CNOT2: variants seen among roughly 807,000 people sequenced by gnomAD.
The protein encoded by CNOT2 is CC chemokine receptor 4-negative regulator of transcription 2.
CNOT2 carries 7 observed loss-of-function variants against 72.1 expected under a neutral mutation model. The ratio of observed to expected loss-of-function variants is 0.10; its 90% CI spans 0.06 to 0.18. The LOEUF is 0.18. Among genes scored for constraint, CNOT2 ranks in the 10% least tolerant of loss-of-function variants. The probability of loss-of-function intolerance (pLI) is 1.00; values close to 1 mark genes in which losing one functional copy is unlikely to be tolerated. For missense variants in CNOT2, 345 were observed against 660.3 expected (o/e 0.52, Z 5.23); for synonymous variants, 196 against 225.6 (o/e 0.87, Z 1.17).
At chr12:70,300,441 T>C (rs1467155955) in intron 2 of CNOT2, among the ~76,000 whole-genome samples, 1 of 152,240 alleles carries the variant, frequency 6.6e-6, no homozygotes, top group Non-Finnish European at 1.5e-5. Flanking sequence ...TACATATGGC[T>C]AGCCAGTTTT....
At chr12:70,335,946 A>C (rs1880623794) in intron 8 of CNOT2, 1 of 159,564 alleles carries the variant, frequency 6.3e-6, no homozygotes, top group African/African-American at 2.4e-5. Flanking sequence ...ATGACTGACT[A>C]TACATTGAAG....
At chr12:70,291,132 C>T (rs1022410864) in intron 2 of CNOT2, among the ~76,000 whole-genome samples, 1 of 152,096 alleles carries the variant, frequency 6.6e-6, no homozygotes, top group Non-Finnish European at 1.5e-5. Context: ...CCTTAAGATT[C>T]CCTAGAATCC....
Position 70,332,798 on chromosome 12 carries a change from G to T in CNOT2, c.601G>T (p.Ala201Ser). ...TGGATTTGGAATGAACAGGAATCAG[G>T]CATTTGGAATGAATAACTCCTTATC... ...MSGFGMNRNQ[A>S]FGMNNSLSSN... The change falls in exon 7 of 16, where the codon GCA (alanine) becomes TCA (serine). Residue 201 changes from alanine (A) to serine (S), a missense_variant. Transcript: ENST00000229195. The T allele has an allele frequency of 6.2e-7, 1 of 1,607,090 alleles. No individual in the cohort carries two copies. The highest frequency in any genetic ancestry group is 1.7e-5 in the Admixed American group (1 of 59,358).
At chr12:70,265,218 A>C (rs1958963359) in intron 1 of CNOT2, among the ~76,000 whole-genome samples, 1 of 151,862 alleles carries the variant, frequency 6.6e-6, no homozygotes, top group Non-Finnish European at 1.5e-5. Context: ...CTTCTTCTTT[A>C]AGTGTTTTGG....
At chr12:70,302,878 T>G (rs933302797) in intron 2 of CNOT2, among the ~76,000 whole-genome samples, 21 of 152,218 alleles carry the variant, frequency 1.4e-4, no homozygotes. Context: ...ACTAAGGACT[T>G]GCTTTATGAA....
At chr12:70,306,838 C>G (rs1875493759) in intron 2 of CNOT2, among the ~76,000 whole-genome samples, 1 of 152,196 alleles carries the variant, frequency 6.6e-6, no homozygotes, top group South Asian at 2.1e-4. Flanking sequence ...GCGTCAGGCA[C>G]TTTTGTGAAT....
chr12:70,302,587 G>T (rs1233180677), intron 2 of CNOT2, among the ~76,000 whole-genome samples: 1 of 152,196 alleles, frequency 6.6e-6, no homozygotes, highest in African/African-American at 2.4e-5. Context: ...GAGACAGTTT[G>T]TTATAATTTC....
chr12:70,344,120 T>C lies in CNOT2; in HGVS notation c.1291-8T>C. 1 of 1,585,612 alleles carries C rather than the reference T, an allele frequency of 6.3e-7. No individual in the cohort carries two copies. Among genetic ancestry groups the C allele is most frequent in the South Asian group, 1.1e-5 (1 of 87,300 alleles). ...TATATTTCAGAATAAGTTATTTTTC[T>C]TTTTCAGCTGGCTGCAATAAAACTT... On this transcript the variant is annotated splice_region_variant and splice_polypyrimidine_tract_variant and intron_variant, in intron 13 of 15. Coordinates refer to ENST00000229195, the MANE Select transcript of CNOT2 (RefSeq NM_014515.7).
At position 70,330,410 on chromosome 12, in the gene CNOT2, G is replaced by T. The variant is rs748283358; in HGVS notation, c.510G>T (p.Ser170=). ...GGTTAGGTAGCCCCAACAGAAGCTC[G>T]CCAAGCATAATATGTATGCCAAAGC... ...SSGLGSPNRS[S]PSIICMPKQQ... The change falls in exon 6 of 16, where the codon TCG becomes TCT. Residue 170 remains serine, a synonymous_variant. Coordinates refer to ENST00000229195, the MANE Select transcript of CNOT2 (RefSeq NM_014515.7). The T allele has an allele frequency of 1.2e-6, 2 of 1,612,462 alleles. No homozygotes were observed. Among genetic ancestry groups the T allele is most frequent in the Non-Finnish European group, 1.7e-6 (2 of 1,178,988 alleles).
intron 2 of CNOT2, among the ~76,000 whole-genome samples, chr12:70,288,566 G>A (rs929968779): frequency 5.9e-5 from 9 of 152,150 alleles, no homozygotes; most frequent in African/African-American, 2.2e-4. Flanking sequence ...ATTTAAGGGT[G>A]TTGAATTTCC....
At chr12:70,323,694 T>C (rs1308063797) in intron 4 of CNOT2, 3 of 151,800 alleles carry the variant, frequency 2.0e-5, no homozygotes, top group African/African-American at 7.3e-5. Flanking sequence ...GCTGTTATAT[T>C]GATTTCAGCA....
At chr12:70,278,001 C>T (rs1869145512) in intron 1 of CNOT2, 131 bp from the exon 2 acceptor site, 7 of 405,960 alleles carry the variant, frequency 1.7e-5, no homozygotes, top group South Asian at 9.1e-5. Context: ...AAAATGGTTA[C>T]GAGGAAGACT....
chr12:70,337,302 A>G (rs1481822085), intron 8 of CNOT2, 87 bp from the exon 9 acceptor site: 1 of 1,129,010 alleles, frequency 8.9e-7, no homozygotes, highest in Admixed American at 1.9e-5. Flanking sequence ...CTTTTGGTGT[A>G]TTATCATGAG....
chr12:70,330,540 A>T, intron 6 of CNOT2, 71 bp downstream of exon 6: 1 of 1,090,926 alleles, frequency 9.2e-7, no homozygotes, highest in Admixed American at 2.2e-5. Flanking sequence ...TCATATTTTC[A>T]CTTTGTTCTT....
chr12:70,247,189 G>A (rs554523020), intron 1 of CNOT2, among the ~76,000 whole-genome samples: 95 of 150,770 alleles, frequency 6.3e-4, no homozygotes, highest in African/African-American at 2.2e-3. Flanking sequence ...TCTTTGAGAC[G>A]AAGTTTTGCT....
chr12:70,333,022 G>T (rs1216700444), intron 7 of CNOT2, among the ~76,000 whole-genome samples, 176 bp downstream of exon 7: 1 of 151,854 alleles, frequency 6.6e-6, no homozygotes, highest in African/African-American at 2.4e-5. Context: ...TGAGAGAGAT[G>T]TAAATTTTTT....
chr12:70,341,517 GTTTA>G (rs1010617541), intron 11 of CNOT2, among the ~76,000 whole-genome samples: 1 of 152,024 alleles, frequency 6.6e-6, no homozygotes, highest in African/African-American at 2.4e-5. Context: ...ATGGGCCATT[GTTTA>G]TTTATTTATT....
intron 1 of CNOT2, among the ~76,000 whole-genome samples, chr12:70,250,881 ACTTCAG>A (rs1391943029): frequency 6.6e-6 from 1 of 152,190 alleles, no homozygotes; most frequent in African/African-American, 2.4e-5. Context: ...TGTGTCTTTC[ACTTCAG>A]AAAATATTGT....
At chr12:70,276,083 G>C (rs1868737720) in intron 1 of CNOT2, among the ~76,000 whole-genome samples, 1 of 151,930 alleles carries the variant, frequency 6.6e-6, no homozygotes, top group Non-Finnish European at 1.5e-5. Flanking sequence ...ATCCCCAGAA[G>C]AGGAAACAAA....
Sources: gnomAD v4.1 joint callset for allele counts (sites outside exome capture counted in the v4.1 genomes callset) on GRCh38, gnomAD v4.1.1 for gene constraint, MANE v1.5 for transcripts, NCBI Gene and HGNC (gene_info 2026-07-23, HGNC 2026-07-21) for gene names.